Variants in MAST2 observed in about 807,000 individuals in gnomAD.
The protein encoded by MAST2 is microtubule associated serine/threonine kinase 2.
Under a neutral mutation model 147.4 loss-of-function variants are expected in MAST2, and 70 were observed. The ratio of observed to expected loss-of-function variants is 0.47; its 90% confidence interval spans 0.39 to 0.58. MAST2 has a LOEUF of 0.58. Among genes scored for constraint, MAST2 ranks in the 20% least tolerant of loss-of-function variants. MAST2 has a pLI of 0.00. For synonymous variants in MAST2, 869 were observed against 896.8 expected (o/e 0.97, Z 0.55); for missense variants, 2,080 against 2,302.3 (o/e 0.90, Z 1.98).
chr1:45,855,614 C>G (rs1205195665), intron 3 of MAST2, among the ~76,000 whole-genome samples: 1 of 151,412 alleles, frequency 6.6e-6, no homozygotes, highest in African/African-American at 2.4e-5. Flanking sequence ...TTTTTTGCAA[C>G]TTTAAATGAT....
At chr1:46,006,157 C>A (rs1350496414) in intron 7 of MAST2, 84 bp from the exon 8 acceptor site, 82 of 1,379,752 alleles carry the variant, frequency 5.9e-5, no homozygotes, top group African/African-American at 1.0e-4. Flanking sequence ...CTGGGAAGTT[C>A]CCTGACCATT....
intron 12 of MAST2, 24 bp from the exon 13 acceptor site, chr1:46,022,886 C>T: frequency 6.2e-7 from 1 of 1,600,002 alleles, no homozygotes; most frequent in Non-Finnish European, 8.6e-7. Context: ...CACGCACATT[C>T]TTCTCTTGTA....
chr1:45,875,703 G>A (rs1646577472), intron 3 of MAST2, among the ~76,000 whole-genome samples: 1 of 152,080 alleles, frequency 6.6e-6, no homozygotes, highest in South Asian at 2.1e-4. Flanking sequence ...AATAATGGAT[G>A]TAGAGAGTGA....
At chr1:45,955,229 C>T (rs146299242) in intron 4 of MAST2, among the ~76,000 whole-genome samples, 20 of 152,082 alleles carry the variant, frequency 1.3e-4, no homozygotes, top group African/African-American at 4.6e-4. Flanking sequence ...AGGACCCACA[C>T]GGATACCAAA....
At chr1:45,872,313 C>A (rs1186993394) in intron 3 of MAST2, among the ~76,000 whole-genome samples, 2 of 152,168 alleles carry the variant, frequency 1.3e-5, no homozygotes, top group African/African-American at 4.8e-5. Context: ...CAAGGACCAG[C>A]CTTGTGACTC....
intron 3 of MAST2, among the ~76,000 whole-genome samples, chr1:45,846,085 T>G (rs1645425130): frequency 6.6e-6 from 1 of 151,378 alleles, no homozygotes. Context: ...AAAAGATAAA[T>G]TAATTGTGGG....
chr1:45,920,835 G>A (rs1320486560), intron 4 of MAST2, among the ~76,000 whole-genome samples: 3 of 152,140 alleles, frequency 2.0e-5, no homozygotes, highest in Admixed American at 2.0e-4. Context: ...GATGAGGTGG[G>A]TGACACATGT....
chr1:45,992,835 GT>G (rs1362600221), intron 5 of MAST2, among the ~76,000 whole-genome samples: 1 of 151,884 alleles, frequency 6.6e-6, no homozygotes, highest in Non-Finnish European at 1.5e-5. Flanking sequence ...TATTCCACCT[GT>G]TTTTTTCTCC....
intron 1 of MAST2, among the ~76,000 whole-genome samples, chr1:45,807,801 C>G (rs974721498): frequency 6.6e-6 from 1 of 152,192 alleles, no homozygotes; most frequent in Non-Finnish European, 1.5e-5. Context: ...CTCGGCCTCC[C>G]AAAGTGCTGG....
chr1:46,021,583 A>G (rs189422288), intron 11 of MAST2, among the ~76,000 whole-genome samples: 7 of 152,302 alleles, frequency 4.6e-5, no homozygotes, highest in Middle Eastern at 3.4e-3. Flanking sequence ...CTTGTGAGCC[A>G]TAATTGAGTG....
At chr1:45,853,470 C>T (rs1454788579) in intron 3 of MAST2, among the ~76,000 whole-genome samples, 1 of 151,888 alleles carries the variant, frequency 6.6e-6, no homozygotes, top group East Asian at 1.9e-4. Context: ...TTCTCCTGCC[C>T]AGCCTCCTGA....
chr1:45,844,774 T>C (rs761912997), intron 3 of MAST2, among the ~76,000 whole-genome samples: 9 of 152,064 alleles, frequency 5.9e-5, no homozygotes, highest in Non-Finnish European at 1.3e-4. Context: ...TTAGATAAAT[T>C]TGTTGGTTGA....
At chr1:45,881,813 A>G (rs1371879696) in intron 3 of MAST2, among the ~76,000 whole-genome samples, 3 of 151,880 alleles carry the variant, frequency 2.0e-5, no homozygotes, top group African/African-American at 7.3e-5. Context: ...CATGTATTCT[A>G]TGAGACATTC....
chr1:45,804,119 G>A (rs941538444), intron 1 of MAST2, 47 bp downstream of exon 1: 8 of 1,271,444 alleles, frequency 6.3e-6, no homozygotes, highest in Non-Finnish European at 7.0e-6. Context: ...TGGAAGCCGT[G>A]GGGGAGGGGA....
At chr1:45,924,674 A>G (rs1042227634) in intron 4 of MAST2, among the ~76,000 whole-genome samples, 3 of 152,098 alleles carry the variant, frequency 2.0e-5, no homozygotes, top group African/African-American at 7.2e-5. Context: ...ATTATGTTCT[A>G]CTAAAATTTG....
intron 4 of MAST2, among the ~76,000 whole-genome samples, chr1:45,901,580 G>C (rs562064878): frequency 6.6e-6 from 1 of 152,206 alleles, no homozygotes; most frequent in African/African-American, 2.4e-5. Flanking sequence ...GGGCAGTGTA[G>C]TCATTTTCAC....
intron 4 of MAST2, chr1:45,913,949 C>T: frequency 1.9e-6 from 2 of 1,043,592 alleles, no homozygotes; most frequent in East Asian, 9.1e-5. Flanking sequence ...ACTAACACAG[C>T]TTCGTTCATT....
At chr1:45,906,229 G>T (rs1650699703) in intron 4 of MAST2, among the ~76,000 whole-genome samples, 1 of 152,060 alleles carries the variant, frequency 6.6e-6, no homozygotes, top group South Asian at 2.1e-4. Flanking sequence ...CAATGTTTTG[G>T]TCAACAACAG....
chr1:45,811,653 A>G (rs1224668073), intron 1 of MAST2, among the ~76,000 whole-genome samples: 4 of 95,712 alleles, frequency 4.2e-5, no homozygotes, highest in African/African-American at 1.7e-4. Flanking sequence ...TTTTTTTTTG[A>G]CACAGAGTCT....
Sources: gnomAD v4.1 joint callset for allele counts (sites outside exome capture counted in the v4.1 genomes callset) on GRCh38, gnomAD v4.1.1 for gene constraint, MANE v1.5 for transcripts, NCBI Gene and HGNC (gene_info 2026-07-23, HGNC 2026-07-21) for gene names.